DGKD: variants seen among roughly 807,000 people sequenced by gnomAD.
DGKD encodes the protein DAG kinase delta.
In DGKD, 68 loss-of-function variants were observed where a neutral mutation model predicts 154.4. The observed-to-expected ratio is 0.44, with a 90% confidence interval of 0.36 to 0.54. The LOEUF is 0.54. DGKD is among the 20% of genes least tolerant of loss of function. The pLI, the probability that DGKD is intolerant of heterozygous loss-of-function variation, is 0.00. For synonymous variants in DGKD, 693 were observed against 638.0 expected, an observed-to-expected ratio of 1.09 and a Z score of -1.30; for missense variants, 1,343 against 1,593.6, an observed-to-expected ratio of 0.84 and a Z score of 2.68.
intron 1 of DGKD, among the ~76,000 whole-genome samples, chr2:233,379,489 C>T (rs1407556447): frequency 6.6e-6 from 1 of 152,144 alleles, no homozygotes; most frequent in African/African-American, 2.4e-5. Context: ...GGCTCTGAGA[C>T]TGTATGCTTC....
chr2:233,377,375 C>T lies in DGKD; in HGVS notation c.157-10882C>T, dbSNP rs147386106. Reference sequence around the variant, plus strand: ...CTGGGATTACAGGCGTGAGCCACTGCGCCTGGCCCCTTAATAGCATGTTCT... The same window carrying T: ...CTGGGATTACAGGCGTGAGCCACTGTGCCTGGCCCCTTAATAGCATGTTCT... On this transcript the variant is annotated intron_variant, in intron 1 of 29. Transcript: ENST00000264057. Among the ~76,000 whole-genome samples the T allele has an allele frequency of 3.3e-4, 51 of 152,292 alleles. No homozygotes were observed. In the East Asian group the frequency reaches 8.5e-3, roughly 25 times the overall value.
At chr2:233,416,168 A>G (rs898416425) in intron 3 of DGKD, among the ~76,000 whole-genome samples, 6 of 152,214 alleles carry the variant, frequency 3.9e-5, no homozygotes, top group South Asian at 2.1e-4. Context: ...TACACATAAC[A>G]TAAAATTTAG....
Position 233,449,201 on chromosome 2 carries a change from C to G in DGKD, c.1713C>G (p.Ala571=), listed in dbSNP as rs768658481. ...SSLPNPPPTI[A]EEAEDGDGSG... Reference sequence around the variant, plus strand: ...TGCCCAACCCGCCCCCCACCATTGCCGAGGAGGCTGAAGATGGAGATGGGT... The same window carrying G: ...TGCCCAACCCGCCCCCCACCATTGCGGAGGAGGCTGAAGATGGAGATGGGT... Residue 571 remains alanine (A), a synonymous_variant, in exon 15 of 30, where the codon GCC becomes GCG. Transcript: ENST00000264057. The surrounding 1 kb of genome is among the most constrained non-coding windows in gnomAD (Gnocchi z 5.3). 6.2e-7 allele frequency: 1 copy of G among 1,613,834 alleles called. No individual in the cohort carries two copies. The highest frequency in any genetic ancestry group is 8.5e-7 in the Non-Finnish European group (1 of 1,179,938).
intron 26 of DGKD, among the ~76,000 whole-genome samples, chr2:233,463,152 G>A (rs1302950430): frequency 6.6e-6 from 1 of 152,116 alleles, no homozygotes; most frequent in African/African-American, 2.4e-5. Flanking sequence ...GAGACTGACT[G>A]GCCAGCCTTC....
intron 1 of DGKD, among the ~76,000 whole-genome samples, chr2:233,365,737 A>G (rs1701994206): frequency 6.6e-6 from 1 of 152,250 alleles, no homozygotes; most frequent in African/African-American, 2.4e-5. Flanking sequence ...GCCAGGATCA[A>G]TAAAAAGAAA....
chr2:233,459,952 T>C lies in DGKD; in HGVS notation c.2829+61T>C. On this transcript the variant is annotated intron_variant, in intron 23 of 29. Transcript: ENST00000264057. The surrounding 1 kb of genome is among the most constrained non-coding windows in gnomAD (Gnocchi z 5.7). ...CAGGGCTCACCTGTGGGCTCTTGTGTGCACTGTTAAGAGCTGGAGCTTTTT... is the reference window on the plus strand; with the variant it reads ...CAGGGCTCACCTGTGGGCTCTTGTGCGCACTGTTAAGAGCTGGAGCTTTTT... 6.4e-7 allele frequency: 1 copy of C among 1,562,134 alleles called. No homozygotes were observed. The highest frequency in any genetic ancestry group is 2.3e-5 in the East Asian group (1 of 44,316).
chr2:233,449,290 A>G lies in DGKD; in HGVS notation c.1802A>G (p.Gln601Arg). ...LVASACPARP[Q>R]IFRPREQLML... Reference sequence around the variant, plus strand: ...GCATCAGCTTGCCCGGCCCGGCCGCAGATATTCCGGCCTCGAGAACAGCTC... The same window carrying G: ...GCATCAGCTTGCCCGGCCCGGCCGCGGATATTCCGGCCTCGAGAACAGCTC... The change falls in exon 15 of 30, where the codon CAG becomes CGG. Residue 601 changes from glutamine (Q) to arginine (R), a missense_variant. Around this residue, in one of 6 missense-constraint regions of DGKD, gnomAD observed 409 missense variants for 446.0 expected, o/e 0.92. Coordinates refer to ENST00000264057, the MANE Select transcript of DGKD (RefSeq NM_152879.3). The surrounding 1 kb of genome is among the most constrained non-coding windows in gnomAD (Gnocchi z 5.3). 3 of 1,613,348 alleles carry G rather than the reference A, an allele frequency of 1.9e-6. No homozygotes were observed. The highest frequency in any genetic ancestry group is 2.5e-6 in the Non-Finnish European group (3 of 1,179,528).
rs1192180497 is a variant in DGKD at position 233,449,721 on chromosome 2, C to A, written c.1889-261C>A. 6.6e-6 allele frequency among the ~76,000 whole-genome samples: 1 copy of A among 152,218 alleles called. No homozygotes were observed. The highest frequency in any genetic ancestry group is 1.5e-5 in the Non-Finnish European group (1 of 68,032). ...GCTCCTCCCGCTTGCAGCCCTCCAG[C>A]CTGCGCCAGGCTCCTCTGCATCCCT... On this transcript the variant is annotated intron_variant, in intron 15 of 29. Transcript: ENST00000264057. This position sits in a 1 kb window ranked among gnomAD's most constrained non-coding sequence, Gnocchi z 5.3.
At chr2:233,410,430 G>A (rs577529229) in intron 3 of DGKD, among the ~76,000 whole-genome samples, 1 of 152,286 alleles carries the variant, frequency 6.6e-6, no homozygotes, top group East Asian at 1.9e-4. Flanking sequence ...TTGATGGTTT[G>A]CTTCCTGTGA....
At chr2:233,450,247 G>T (rs2063230025) in intron 16 of DGKD, 116 bp downstream of exon 16, 3 of 1,345,508 alleles carry the variant, frequency 2.2e-6, no homozygotes, top group South Asian at 1.6e-5. Flanking sequence ...TGGCCACTTG[G>T]TTACATAAAA....
chr2:233,417,853 TA>T (rs1210771717), intron 3 of DGKD, among the ~76,000 whole-genome samples: 1 of 152,112 alleles, frequency 6.6e-6, no homozygotes, highest in Non-Finnish European at 1.5e-5. Flanking sequence ...AGAGCAGGGG[TA>T]CGTGCTGCTG....
intron 1 of DGKD, among the ~76,000 whole-genome samples, chr2:233,364,807 TC>T (rs1163513434): frequency 6.6e-6 from 1 of 152,146 alleles, no homozygotes; most frequent in Admixed American, 6.5e-5. Flanking sequence ...ACTTAAATGC[TC>T]CAGTTAAAAT....
chr2:233,403,980 T>C (rs1490937517), intron 3 of DGKD, among the ~76,000 whole-genome samples: 1 of 152,180 alleles, frequency 6.6e-6, no homozygotes, highest in East Asian at 1.9e-4. Flanking sequence ...AAATTTTACA[T>C]GTGTTATATA....
Position 233,447,456 on chromosome 2 carries a change from G to T in DGKD, c.1420-631G>T, listed in dbSNP as rs905654179. On this transcript the variant is annotated intron_variant, in intron 12 of 29. Transcript: ENST00000264057. The stretch of plus-strand genomic sequence containing the variant: ...CAAACAAGGCCTGCAGGCCAGATGT[G>T]CCTGGGCCCACGGCCTTGCAAGCGA... The T allele has an allele frequency of 3.7e-5, 36 of 984,296 alleles. No homozygotes were observed. The Middle Eastern group carries it at 1.6e-3, about 42-fold the overall frequency. 61.0% of individuals were successfully genotyped at this position (984,296 alleles called of 1,614,324 possible).
intron 3 of DGKD, among the ~76,000 whole-genome samples, chr2:233,420,556 TA>T: frequency 6.6e-6 from 1 of 152,382 alleles, no homozygotes; most frequent in African/African-American, 2.4e-5. Flanking sequence ...TGTGTAGGCA[TA>T]AACAGTATAT....
intron 3 of DGKD, among the ~76,000 whole-genome samples, chr2:233,416,078 A>G (rs912247672): frequency 1.3e-5 from 2 of 152,214 alleles, no homozygotes; most frequent in African/African-American, 2.4e-5. Flanking sequence ...TTTTTTAAAC[A>G]CAATACGATG....
rs1559174095 is a variant in DGKD at position 233,457,202 on chromosome 2, CT to C, written c.2473-18del. 1 of 1,498,554 alleles carries C rather than the reference CT, an allele frequency of 6.7e-7. No homozygotes were observed. The highest frequency in any genetic ancestry group is 2.3e-5 in the East Asian group (1 of 44,016). 92.8% of individuals were successfully genotyped at this position (1,498,554 alleles called of 1,614,324 possible). ...TCATACCTTTCTCTTTTCTTTTGTT[CT>C]GTGTCTCTGCTGCTCAGTGTGACGG... On this transcript the variant is annotated intron_variant, in intron 20 of 29. Transcript: ENST00000264057. This position sits in a 1 kb window ranked among gnomAD's most constrained non-coding sequence, Gnocchi z 5.5.
intron 10 of DGKD, among the ~76,000 whole-genome samples, chr2:233,444,413 C>T (rs1027530072): frequency 2.0e-5 from 3 of 151,782 alleles, no homozygotes; most frequent in African/African-American, 7.3e-5. Context: ...GGGAAAAGTC[C>T]AGACCTTTAA....
At chr2:233,430,410 A>AT (rs1488796997) in intron 3 of DGKD, among the ~76,000 whole-genome samples, 2 of 152,228 alleles carry the variant, frequency 1.3e-5, no homozygotes, top group Non-Finnish European at 2.9e-5. Flanking sequence ...GAAGCCCTGG[A>AT]TATTGCTAAG....
Sources: allele counts gnomAD v4.1 joint callset (sites outside exome capture counted in the v4.1 genomes callset), GRCh38; gene constraint gnomAD v4.1.1; regional missense constraint gnomAD v4.1.1; non-coding constraint Gnocchi (gnomAD v3.1); transcripts MANE v1.5; gene names NCBI Gene and HGNC (gene_info 2026-07-23, HGNC 2026-07-21).